HYCC2: variants seen among roughly 807,000 people sequenced by gnomAD.
The protein encoded by HYCC2 is hyccin 2.
At chr2:200,988,145 C>T in the HYCC2 span, 2 of 756,290 alleles carry the variant, frequency 2.6e-6, no homozygotes, top group South Asian at 8.0e-5. Context: ...ATATTTTTAA[C>T]AAAAAAAATT....
At chr2:201,018,280 C>T in the HYCC2 span, among the ~76,000 whole-genome samples, 1 of 151,848 alleles carries the variant, frequency 6.6e-6, no homozygotes, top group South Asian at 2.1e-4. Context: ...AGAAAACTGG[C>T]TATGACTTTA....
chr2:201,053,174 GCAC>G, the HYCC2 span, among the ~76,000 whole-genome samples: 1 of 151,742 alleles, frequency 6.6e-6, no homozygotes, highest in African/African-American at 2.4e-5. Flanking sequence ...CCAGGCTGGA[GCAC>G]AATGGCGCAA....
the HYCC2 span, among the ~76,000 whole-genome samples, chr2:201,049,365 T>A: frequency 6.6e-6 from 1 of 152,272 alleles, no homozygotes; most frequent in South Asian, 2.1e-4. Context: ...TTTCTTTTTT[T>A]TTGAGACGGA....
chr2:201,050,626 T>C, the HYCC2 span, among the ~76,000 whole-genome samples: 1 of 148,972 alleles, frequency 6.7e-6, no homozygotes, highest in Non-Finnish European at 1.5e-5. Flanking sequence ...GAATAAAGAC[T>C]TCCTATTTTT....
At chr2:201,011,361 A>C in the HYCC2 span, 1 of 1,273,206 alleles carries the variant, frequency 7.9e-7, no homozygotes, top group Non-Finnish European at 1.1e-6. Context: ...AATATAATTT[A>C]AAATAATTCC....
the HYCC2 span, among the ~76,000 whole-genome samples, chr2:201,057,597 G>C: frequency 5.3e-5 from 8 of 152,154 alleles, no homozygotes; most frequent in African/African-American, 1.4e-4. Context: ...AATGAGGTTA[G>C]AGCAGGCTCC....
the HYCC2 span, among the ~76,000 whole-genome samples, chr2:201,049,517 T>G: frequency 7.2e-3 from 1,089 of 151,630 alleles, 9 homozygotes; most frequent in African/African-American, 0.025. Context: ...CCCCGGTTTT[T>G]TTTTTTTTTT....
At chr2:201,013,659 T>TG in the HYCC2 span, among the ~76,000 whole-genome samples, 1 of 152,116 alleles carries the variant, frequency 6.6e-6, no homozygotes, top group African/African-American at 2.4e-5. Flanking sequence ...AAAAGTCCCT[T>TG]GAGGGTATAA....
chr2:201,017,131 G>A, the HYCC2 span: 3 of 1,613,522 alleles, frequency 1.9e-6, no homozygotes, highest in Non-Finnish European at 2.5e-6. Flanking sequence ...TCTGAGCTAC[G>A]ATAGAGCTCA....
chr2:201,043,400 C>G, the HYCC2 span, among the ~76,000 whole-genome samples: 1 of 146,852 alleles, frequency 6.8e-6, no homozygotes, highest in Admixed American at 6.8e-5. Context: ...ATCCTCCTCT[C>G]CGAGAAACAC....
At chr2:201,000,681 G>A in the HYCC2 span, among the ~76,000 whole-genome samples, 1 of 152,128 alleles carries the variant, frequency 6.6e-6, no homozygotes, top group East Asian at 1.9e-4. Flanking sequence ...GTTAAGTGTT[G>A]AATTACCATA....
the HYCC2 span, among the ~76,000 whole-genome samples, chr2:201,050,763 C>T: frequency 1.3e-5 from 2 of 151,796 alleles, no homozygotes; most frequent in African/African-American, 2.4e-5. Context: ...GGTGAAACCC[C>T]GTCTCTACTA....
chr2:200,992,901 C>A, the HYCC2 span: 192 of 1,601,080 alleles, frequency 1.2e-4, 1 homozygote, highest in East Asian at 1.8e-3. Flanking sequence ...CATAATAAAC[C>A]CCTGTGAGAA....
chr2:201,056,689 A>G, the HYCC2 span, among the ~76,000 whole-genome samples: 1 of 151,916 alleles, frequency 6.6e-6, no homozygotes, highest in Non-Finnish European at 1.5e-5. Flanking sequence ...AAAAAAAAAA[A>G]AAAAGATGCT....
chr2:201,063,505 C>T, the HYCC2 span: 1 of 1,591,898 alleles, frequency 6.3e-7, no homozygotes, highest in Non-Finnish European at 8.5e-7. Flanking sequence ...TCATGACTGA[C>T]CGAGGCAGTG....
the HYCC2 span, chr2:201,052,262 A>C: frequency 6.5e-6 from 1 of 152,802 alleles, no homozygotes; most frequent in African/African-American, 2.4e-5. Flanking sequence ...ACGCCACTGC[A>C]CTCCAGCCTG....
At chr2:200,990,160 C>G in the HYCC2 span, among the ~76,000 whole-genome samples, 1 of 152,018 alleles carries the variant, frequency 6.6e-6, no homozygotes, top group African/African-American at 2.4e-5. Flanking sequence ...TGTTTTTATT[C>G]CTTTGCAATT....
the HYCC2 span, among the ~76,000 whole-genome samples, chr2:201,044,452 T>C: frequency 6.6e-6 from 1 of 152,208 alleles, no homozygotes; most frequent in Non-Finnish European, 1.5e-5. Flanking sequence ...GCTGCTGGAA[T>C]GTGATCTGAA....
the HYCC2 span, chr2:201,063,806 A>C: frequency 3.8e-6 from 6 of 1,591,022 alleles, no homozygotes; most frequent in African/African-American, 8.0e-5. Flanking sequence ...ATATGATGGC[A>C]GTGGGGATGG....
Sources: allele counts gnomAD v4.1 joint callset (sites outside exome capture counted in the v4.1 genomes callset), GRCh38; gene constraint gnomAD v4.1.1; transcripts MANE v1.5; gene names NCBI Gene and HGNC (gene_info 2026-07-23, HGNC 2026-07-21).